The following MTURN variants were observed in gnomAD, a reference collection of about 807,000 sequenced individuals.
MTURN encodes maturin.
A neutral mutation model predicts 14.9 loss-of-function variants in MTURN; 7 were observed. The observed-to-expected ratio is 0.47, with a 90% confidence interval of 0.27 to 0.88. The LOEUF (loss-of-function observed/expected upper bound fraction) is 0.88. Among genes scored for constraint, MTURN ranks in the 40% least tolerant of loss-of-function variants. The probability of loss-of-function intolerance (pLI) is 0.14; values close to 1 mark genes in which losing one functional copy is unlikely to be tolerated. For synonymous variants in MTURN, 69 were observed against 72.5 expected (o/e 0.95, Z 0.25); for missense variants, 151 against 174.1 (o/e 0.87, Z 0.75).
rs1797126996 is a variant in MTURN at position 30,146,216 on chromosome 7, C to A, written c.202C>A (p.Gln68Lys). 6.2e-7 allele frequency: 1 copy of A among 1,614,072 alleles called. No homozygotes were observed. Among genetic ancestry groups the A allele is most frequent in the Non-Finnish European group, 8.5e-7 (1 of 1,180,052 alleles). The change falls in exon 2 of 3, where the codon CAG (glutamine) becomes AAG (lysine). Residue 68 changes from glutamine to lysine, a missense_variant. Coordinates refer to ENST00000324453, the MANE Select transcript of MTURN (RefSeq NM_152793.3). The stretch of plus-strand genomic sequence containing the variant: ...GAGCGAGGACTGCCTGCCTTTCTTG[C>A]AGCTAGCACAGGATTACATCTCCTC... Reference protein sequence around the residue: ...SESEDCLPFLQLAQDYISSCG... With the variant: ...SESEDCLPFLKLAQDYISSCG...
At chr7:30,151,773 G>A (rs1163864551) in intron 2 of MTURN, among the ~76,000 whole-genome samples, 1 of 152,152 alleles carries the variant, frequency 6.6e-6, no homozygotes, top group African/African-American at 2.4e-5. Flanking sequence ...GGTCCTTGTA[G>A]ATTCTCACTC....
At chr7:30,152,595 A>G (rs1050028105) in intron 2 of MTURN, among the ~76,000 whole-genome samples, 1 of 152,160 alleles carries the variant, frequency 6.6e-6, no homozygotes, top group Non-Finnish European at 1.5e-5. Context: ...GGTACATACA[A>G]GGATCTCTGA....
At chr7:30,140,326 A>G (rs1330323850) in intron 1 of MTURN, among the ~76,000 whole-genome samples, 1 of 151,590 alleles carries the variant, frequency 6.6e-6, no homozygotes, top group African/African-American at 2.4e-5. Context: ...AGTAATCATG[A>G]TATTATTAAA....
chr7:30,137,998 G>A (rs937175931), intron 1 of MTURN, among the ~76,000 whole-genome samples: 7 of 152,242 alleles, frequency 4.6e-5, no homozygotes, highest in African/African-American at 1.4e-4. Flanking sequence ...TGTCTAGGAA[G>A]CAGTGTGGTG....
chr7:30,157,202 A>G (rs145170330), intron 2 of MTURN, among the ~76,000 whole-genome samples: 153 of 150,850 alleles, frequency 1.0e-3, no homozygotes, highest in African/African-American at 3.6e-3. Flanking sequence ...TTGATACTTA[A>G]AAATAGAGAC....
At chr7:30,146,531 T>G (rs544876780) in intron 2 of MTURN, among the ~76,000 whole-genome samples, 2 of 151,386 alleles carry the variant, frequency 1.3e-5, no homozygotes, top group South Asian at 4.2e-4. Flanking sequence ...TAGCATCACT[T>G]GAGTTGAGAA....
At chr7:30,156,877 C>T (rs1480393378) in intron 2 of MTURN, among the ~76,000 whole-genome samples, 1 of 151,372 alleles carries the variant, frequency 6.6e-6, no homozygotes, top group African/African-American at 2.4e-5. Context: ...GCTTTTTTTA[C>T]ACTTATGTGC....
At chr7:30,144,928 C>CTTTTTTT (rs11411711) in intron 1 of MTURN, among the ~76,000 whole-genome samples, 13 of 73,974 alleles carry the variant, frequency 1.8e-4, no homozygotes, top group East Asian at 3.6e-4. Flanking sequence ...GACCTCAATA[C>CTTTTTTT]TTTTTTTTTT....
At chr7:30,154,251 A>G (rs1319719804) in intron 2 of MTURN, among the ~76,000 whole-genome samples, 3 of 152,174 alleles carry the variant, frequency 2.0e-5, no homozygotes, top group Non-Finnish European at 2.9e-5. Context: ...ACCTCCTGCA[A>G]TCAGTGTGCA....
Position 30,156,465 on chromosome 7 carries a change from G to A in MTURN, c.286-973G>A, listed in dbSNP as rs149108329. ...GGATTGCTTGAGTCCAGGTGTTGGA[G>A]ACCAGCTTGGGCAACATACTGAGAC... is the stretch of plus-strand genomic sequence containing the variant. On this transcript the variant is annotated intron_variant, in intron 2 of 2. Transcript: ENST00000324453. Among the ~76,000 whole-genome samples, 354 of 151,912 alleles carry A rather than the reference G, an allele frequency of 2.3e-3. 1 individual carries two copies. Among genetic ancestry groups the A allele is most frequent in the Admixed American group, 7.0e-3 (107 of 15,242 alleles).
rs766568123 is a variant in MTURN at position 30,157,551 on chromosome 7, C to G, written c.*3C>G. On this transcript the variant is annotated 3_prime_UTR_variant, in exon 3 of 3. Coordinates refer to ENST00000324453, the MANE Select transcript of MTURN (RefSeq NM_152793.3). ...AGATGGGGGTCAGCCAGCAGTAAATCTGGGGGCTCCCCTGAGAAGGAGAGT... is the reference window on the plus strand; with the variant it reads ...AGATGGGGGTCAGCCAGCAGTAAATGTGGGGGCTCCCCTGAGAAGGAGAGT... The G allele has an allele frequency of 1.9e-5, 31 of 1,593,984 alleles. No individual in the cohort carries two copies. Among genetic ancestry groups the G allele is most frequent in the Non-Finnish European group, 2.6e-5 (31 of 1,171,476 alleles).
In MTURN at chr7:30,161,898, C is replaced by G. The variant is rs1797379847; in HGVS notation, c.*4350C>G. On this transcript the variant is annotated 3_prime_UTR_variant, in exon 3 of 3. Coordinates refer to ENST00000324453, the MANE Select transcript of MTURN (RefSeq NM_152793.3). ...ATTTTATAGAGAGTAATTCTGAAAC[C>G]TGCCAGAATGCTGGTAGCCTGTGGT... 1.3e-5 allele frequency: 2 copies of G among 152,134 alleles called. No individual in the cohort carries two copies. The highest frequency in any genetic ancestry group is 2.9e-5 in the Non-Finnish European group (2 of 68,022). The allele number at this position is 152,134 out of a possible 1,614,324, so 9.4% of individuals were successfully genotyped here. A position where few individuals can be genotyped will look rare whatever the true frequency, so the allele number is the denominator to read the frequency against.
intron 1 of MTURN, among the ~76,000 whole-genome samples, chr7:30,138,940 A>T (rs1797007910): frequency 6.6e-6 from 1 of 152,114 alleles, no homozygotes; most frequent in Non-Finnish European, 1.5e-5. Flanking sequence ...GATGCTCCTG[A>T]GGCCCAAGAG....
chr7:30,135,892 A>T (rs1796946293), intron 1 of MTURN, among the ~76,000 whole-genome samples: 1 of 152,242 alleles, frequency 6.6e-6, no homozygotes, highest in South Asian at 2.1e-4. Context: ...CATACTAGCG[A>T]TGCCCGATCT....
intron 2 of MTURN, among the ~76,000 whole-genome samples, chr7:30,151,004 CT>C (rs1185106425): frequency 1.3e-5 from 2 of 152,178 alleles, no homozygotes; most frequent in Non-Finnish European, 2.9e-5. Flanking sequence ...AGACACTCTG[CT>C]AAATTTAGTC....
intron 1 of MTURN, among the ~76,000 whole-genome samples, chr7:30,142,803 T>C (rs1797071477): frequency 6.6e-6 from 1 of 152,248 alleles, no homozygotes; most frequent in African/African-American, 2.4e-5. Flanking sequence ...GTTGACGCTC[T>C]GACTACCGCC....
rs777365045 is a variant in MTURN at position 30,135,287 on chromosome 7, G to C, written c.151G>C (p.Gly51Arg). The C allele has an allele frequency of 7.9e-6, 12 of 1,523,784 alleles. No individual in the cohort carries two copies. Among genetic ancestry groups the C allele is most frequent in the Middle Eastern group, 1.7e-4 (1 of 5,800 alleles). The allele number at this position is 1,523,784 out of a possible 1,614,324, so 94.4% of individuals were successfully genotyped here. ...FYVLCPDNGC[G>R]DNFHVWSESE... is the part of the protein sequence containing the mutation. ...TGTGCTGTGTCCGGACAACGGCTGC[G>C]GCGACAATTTTGTGAGTGCCTGGAG... Residue 51 changes from glycine (G) to arginine (R), a missense_variant, in exon 1 of 3, where the codon GGC (glycine) becomes CGC (arginine). Coordinates refer to ENST00000324453, the MANE Select transcript of MTURN (RefSeq NM_152793.3).
chr7:30,142,382 T>G (rs1562567999), intron 1 of MTURN, among the ~76,000 whole-genome samples: 3 of 152,138 alleles, frequency 2.0e-5, no homozygotes, highest in African/African-American at 7.2e-5. Context: ...GAGCTGGCTA[T>G]AGTCAGTAAT....
At position 30,135,016 on chromosome 7, in the gene MTURN, G is replaced by C; in HGVS notation, c.-121G>C. On this transcript the variant is annotated 5_prime_UTR_variant, in exon 1 of 3. Transcript: ENST00000324453. ...GCACCGCATGTAAACAGTCCCAGCC[G>C]GCCCAGCCCGGCCCCGGAGGAGCCC... The C allele has an allele frequency of 1.1e-6, 1 of 873,208 alleles. No individual in the cohort carries two copies. Among genetic ancestry groups the C allele is most frequent in the Non-Finnish European group, 1.4e-6 (1 of 710,968 alleles). The allele number at this position is 873,208 out of a possible 1,614,324, so 54.1% of individuals were successfully genotyped here.
Sources: allele counts gnomAD v4.1 joint callset (sites outside exome capture counted in the v4.1 genomes callset), GRCh38; gene constraint gnomAD v4.1.1; transcripts MANE v1.5; gene names NCBI Gene and HGNC (gene_info 2026-07-23, HGNC 2026-07-21).